COL7A1: variants seen among roughly 807,000 people sequenced by gnomAD.
COL7A1 encodes collagen type VII alpha 1 chain.
A neutral mutation model predicts 456.2 loss-of-function variants in COL7A1; 296 were observed. That is an observed-to-expected ratio of 0.65 (90% CI 0.59 to 0.71). The LOEUF is 0.71. COL7A1 is among the 30% of genes least tolerant of loss of function. The probability of loss-of-function intolerance (pLI) is 0.00; values close to 1 mark genes in which losing one functional copy is unlikely to be tolerated. For missense variants in COL7A1, 3,441 were observed against 4,017.2 expected (o/e 0.86, Z 3.88); for synonymous variants, 1,464 against 1,525.9 (o/e 0.96, Z 0.95).
Position 48,565,371 on chromosome 3 carries a change from C to A in COL7A1, c.8527+39G>T. On this transcript the variant is annotated intron_variant, in intron 116 of 118. Coordinates refer to ENST00000681320, the MANE Select transcript of COL7A1 (RefSeq NM_000094.4). This position sits in a 1 kb window ranked among gnomAD's most constrained non-coding sequence, Gnocchi z 4.5. ...ATGGACACCCATGTGCGTGTCTCGG[C>A]CCCACCCATAGCTGCCCCACGGGTT... 2 of 1,575,842 alleles carry A rather than the reference C, an allele frequency of 1.3e-6. No individual in the cohort carries two copies. The highest frequency in any genetic ancestry group is 2.3e-5 in the East Asian group (1 of 43,080).
In COL7A1 at chr3:48,579,884, G is replaced by T; in HGVS notation, c.5125-70C>A. 2 of 1,610,884 alleles carry T rather than the reference G, an allele frequency of 1.2e-6. No individual in the cohort carries two copies. The highest frequency in any genetic ancestry group is 3.3e-4 in the Middle Eastern group (2 of 6,058). ...AGAGGAGTTGGCGAGGGGATACAGGGTCTGTGAGGGGCTCCAGGGATCCGC... is the reference window on the plus strand; with the variant it reads ...AGAGGAGTTGGCGAGGGGATACAGGTTCTGTGAGGGGCTCCAGGGATCCGC... On this transcript the variant is annotated intron_variant, in intron 57 of 118. Transcript: ENST00000681320. The surrounding 1 kb of genome is among the most constrained non-coding windows in gnomAD (Gnocchi z 4.4).
chr3:48,575,688 C>T lies in COL7A1; in HGVS notation c.5917G>A (p.Val1973Met). The change falls in exon 73 of 119, where the codon GTG becomes ATG. Residue 1973 changes from valine (V) to methionine (M), a missense_variant. Physicochemically the swap from Val to Met is conservative, Grantham distance 21. Transcript: ENST00000681320. The surrounding 1 kb of genome is among the most constrained non-coding windows in gnomAD (Gnocchi z 6.3). ...WDESSGSFLP[V>M]PERRRGPKGD... is the part of the protein sequence containing the mutation. ...TTGGGGCCTCGACGCCGTTCGGGCACAGGCAGGAAGCTACCAGAGCTCTCA... is the reference window on the plus strand; with the variant it reads ...TTGGGGCCTCGACGCCGTTCGGGCATAGGCAGGAAGCTACCAGAGCTCTCA... 1.2e-6 allele frequency: 2 copies of T among 1,613,686 alleles called. No homozygotes were observed. The highest frequency in any genetic ancestry group is 2.2e-5 in the South Asian group (2 of 91,084).
chr3:48,590,415 C>G lies in COL7A1; in HGVS notation c.1906+44G>C, dbSNP rs771669788. 6.2e-7 allele frequency: 1 copy of G among 1,614,098 alleles called. No homozygotes were observed. The highest frequency in any genetic ancestry group is 2.2e-5 in the East Asian group (1 of 44,882). ...GCCTGTCCCCTCTGGCACCCATACC[C>G]TCATTGGTCCCTTTGGCAGTCCCCC... On this transcript the variant is annotated intron_variant, in intron 15 of 118. Coordinates refer to ENST00000681320, the MANE Select transcript of COL7A1 (RefSeq NM_000094.4). This position sits in a 1 kb window ranked among gnomAD's most constrained non-coding sequence, Gnocchi z 4.6.
chr3:48,578,874 A>C lies in COL7A1; in HGVS notation c.5424+45T>G. 3.1e-6 allele frequency: 5 copies of C among 1,591,606 alleles called. No homozygotes were observed. The South Asian group carries it at 5.6e-5, about 18-fold the overall frequency. ...GACTATGATGATCTGGTTGGAGCTT[A>C]CGCAGCCCCGAGCCCCCTCTGTCCC... On this transcript the variant is annotated intron_variant, in intron 63 of 118. Transcript: ENST00000681320. This position sits in a 1 kb window ranked among gnomAD's most constrained non-coding sequence, Gnocchi z 4.7.
rs1575478194 is a variant in COL7A1, at chr3:48,588,020, T to C, written c.2711-81A>G. 1.1e-5 allele frequency: 17 copies of C among 1,485,678 alleles called. No homozygotes were observed. Among genetic ancestry groups the C allele is most frequent in the Non-Finnish European group, 1.5e-5 (16 of 1,097,068 alleles). The allele number at this position is 1,485,678 out of a possible 1,614,324, so 92.0% of individuals were successfully genotyped here. On this transcript the variant is annotated intron_variant, in intron 21 of 118. Coordinates refer to ENST00000681320, the MANE Select transcript of COL7A1 (RefSeq NM_000094.4). This position sits in a 1 kb window ranked among gnomAD's most constrained non-coding sequence, Gnocchi z 4.6. Reference sequence around the variant, plus strand: ...GCATTAAAGGGCCTGCCCACTTCACTGGCTCTGTTAACTGGGTTCACCCTC... The same window carrying C: ...GCATTAAAGGGCCTGCCCACTTCACCGGCTCTGTTAACTGGGTTCACCCTC...
chr3:48,589,263 G>C, intron 18 of COL7A1, 64 bp downstream of exon 18: 1 of 1,607,126 alleles, frequency 6.2e-7, no homozygotes, highest in Non-Finnish European at 8.5e-7. Flanking sequence ...TGGGCAATCA[G>C]GAACACACAG....
Position 48,580,007 on chromosome 3 carries a change from G to GTC in COL7A1, c.5124+23_5124+24insGA. 6.2e-7 allele frequency: 1 copy of GTC among 1,614,012 alleles called. No homozygotes were observed. Among genetic ancestry groups the GTC allele is most frequent in the East Asian group, 2.2e-5 (1 of 44,872 alleles). Reference sequence around the variant, plus strand: ...GGGGCAAGTGAGAACAATGACAGAGGACCAGACCCAGCGCAGCCCTTACCA... The same window carrying GTC: ...GGGGCAAGTGAGAACAATGACAGAGGTCACCAGACCCAGCGCAGCCCTTACCA... On this transcript the variant is annotated intron_variant, in intron 57 of 118. Transcript: ENST00000681320. The surrounding 1 kb of genome is among the most constrained non-coding windows in gnomAD (Gnocchi z 4.5).
chr3:48,591,897 C>G lies in COL7A1; in HGVS notation c.1357+1G>C. On this transcript the variant is annotated splice_donor_variant, in intron 11 of 118. Coordinates refer to ENST00000681320, the MANE Select transcript of COL7A1 (RefSeq NM_000094.4). LOFTEE classifies it high-confidence loss of function. This position sits in a 1 kb window ranked among gnomAD's most constrained non-coding sequence, Gnocchi z 7.0. The stretch of plus-strand genomic sequence containing the variant: ...CTGTCCATCCCTTCCCCCGCACTGA[C>G]CAGTCTCACGCCGCCATTCCAACCG... 2 of 1,614,186 alleles carry G rather than the reference C, an allele frequency of 1.2e-6. No individual in the cohort carries two copies. The highest frequency in any genetic ancestry group is 1.7e-6 in the Non-Finnish European group (2 of 1,180,030).
chr3:48,588,878 C>A lies in COL7A1; in HGVS notation c.2432G>T (p.Arg811Leu), dbSNP rs1559427559. 1 of 1,613,526 alleles carries A rather than the reference C, an allele frequency of 6.2e-7. No homozygotes were observed. The highest frequency in any genetic ancestry group is 8.5e-7 in the Non-Finnish European group (1 of 1,180,050). Residue 811 changes from arginine to leucine, a missense_variant, in exon 19 of 119, where the codon CGG (arginine) becomes CTG (leucine). Around this residue, in one of 3 missense-constraint regions of COL7A1, gnomAD observed 444 missense variants for 427.6 expected, o/e 1.04. Coordinates refer to ENST00000681320, the MANE Select transcript of COL7A1 (RefSeq NM_000094.4). The surrounding 1 kb of genome is among the most constrained non-coding windows in gnomAD (Gnocchi z 4.6). ...GCGTCAGGGAGCCATACCTTCACTC[C>A]GGCCCCAGGCCAGTCTGTAAGCTGT... is the stretch of plus-strand genomic sequence containing the variant. ...GATAYRLAWG[R>L]SEGGPMRHQI...
In COL7A1 at chr3:48,589,607, G is replaced by A; in HGVS notation, c.2162C>T (p.Ser721Leu). 3 of 1,613,340 alleles carry A rather than the reference G, an allele frequency of 1.9e-6. No individual in the cohort carries two copies. Among genetic ancestry groups the A allele is most frequent in the South Asian group, 1.1e-5 (1 of 91,060 alleles). The stretch of plus-strand genomic sequence containing the variant: ...CAAACCCCAGTCCCCACCGTGGGCT[G>A]AGTGCCAGGAAACCCTGTATCCTGT... Reference protein sequence around the residue: ...GATGYRVSWHSAHGPEKSQLV... With the variant: ...GATGYRVSWHLAHGPEKSQLV... Residue 721 changes from serine to leucine, a missense_variant, in exon 17 of 119, where the codon TCA (serine) becomes TTA (leucine). Coordinates refer to ENST00000681320, the MANE Select transcript of COL7A1 (RefSeq NM_000094.4).
At position 48,591,998 on chromosome 3, in the gene COL7A1, C is replaced by A. The variant is rs768981667; in HGVS notation, c.1257G>T (p.Gln419His). The change falls in exon 11 of 119, where the codon CAG becomes CAT. Residue 419 changes from glutamine to histidine, a missense_variant. Physicochemically the swap from Gln to His is conservative, Grantham distance 24. Coordinates refer to ENST00000681320, the MANE Select transcript of COL7A1 (RefSeq NM_000094.4). The surrounding 1 kb of genome is among the most constrained non-coding windows in gnomAD (Gnocchi z 7.0). ...GGCCCAGGATGACCGGGCGCAGGGT[C>A]TGCTCAACAGAAGCGTCTGCCCAGG... is the stretch of plus-strand genomic sequence containing the variant. ...LMARTDASVE[Q>H]TLRPVILGPT... The A allele has an allele frequency of 2.5e-6, 4 of 1,614,212 alleles. No homozygotes were observed. In the Admixed American group the frequency reaches 6.7e-5, roughly 27 times the overall value.
Position 48,583,349 on chromosome 3 carries a change from C to A in COL7A1, c.4437+44G>T. The A allele has an allele frequency of 6.2e-7, 1 of 1,612,994 alleles. No individual in the cohort carries two copies. The highest frequency in any genetic ancestry group is 8.5e-7 in the Non-Finnish European group (1 of 1,179,016). On this transcript the variant is annotated intron_variant, in intron 42 of 118. Coordinates refer to ENST00000681320, the MANE Select transcript of COL7A1 (RefSeq NM_000094.4). This position sits in a 1 kb window ranked among gnomAD's most constrained non-coding sequence, Gnocchi z 5.1. ...GCCTCCCCTAACACCATGGGGAGCC[C>A]AGAGTAGCACCCCTCACACCTGAAT...
chr3:48,576,428 C>A lies in COL7A1; in HGVS notation c.5744G>T (p.Arg1915Leu). 3.1e-6 allele frequency: 5 copies of A among 1,613,768 alleles called. No individual in the cohort carries two copies. The highest frequency in any genetic ancestry group is 4.2e-6 in the Non-Finnish European group (5 of 1,179,992). ...CTCCCCTTTGGATCCAGTCTCCCCA[C>A]GGTCACCCTGAAAACAAGAATGACC... The part of the protein sequence containing the change: ...VPGGTGPKGD[R>L]GETGSKGEQG... The change falls in exon 70 of 119, where the codon CGT becomes CTT. Residue 1915 changes from arginine (R) to leucine (L), a missense_variant. Transcript: ENST00000681320.
rs146289794 is a variant in COL7A1 at position 48,572,476 on chromosome 3, C to A, written c.6936+27G>T. 1.7e-3 allele frequency: 2,758 copies of A among 1,613,974 alleles called. 35 individuals are homozygous for A. The African/African-American group carries it at 0.027, about 16-fold the overall frequency. ...CTTGGCCCCCACCAGTTGACCCCCC[C>A]TCACTGGCAGCCCCACACACACTCA... is the stretch of plus-strand genomic sequence containing the variant. On this transcript the variant is annotated intron_variant, in intron 89 of 118. Transcript: ENST00000681320. The surrounding 1 kb of genome is among the most constrained non-coding windows in gnomAD (Gnocchi z 4.6).
chr3:48,576,920 C>T lies in COL7A1; in HGVS notation c.5569-1G>A. ...AGGCGCCTGAATCTCCTTTCTCTCC[C>T]TAAGGAAGACAAGGATGCTTCAGGC... is the stretch of plus-strand genomic sequence containing the variant. On this transcript the variant is annotated splice_acceptor_variant, in intron 66 of 118. Transcript: ENST00000681320. LOFTEE classifies it high-confidence loss of function. 1 of 1,614,012 alleles carries T rather than the reference C, an allele frequency of 6.2e-7. No individual in the cohort carries two copies.
Position 48,571,014 on chromosome 3 carries a change from C to G in COL7A1, c.7165-46G>C. The G allele has an allele frequency of 6.2e-7, 1 of 1,611,250 alleles. No individual in the cohort carries two copies. The highest frequency in any genetic ancestry group is 8.5e-7 in the Non-Finnish European group (1 of 1,177,798). On this transcript the variant is annotated intron_variant, in intron 94 of 118. Transcript: ENST00000681320. The surrounding 1 kb of genome is among the most constrained non-coding windows in gnomAD (Gnocchi z 4.6). ...GGAGGGAATGGTCAATGCAGGACCC[C>G]TCCCAGGACTCTCATCAGAACTCCC... is the stretch of plus-strand genomic sequence containing the variant.
chr3:48,564,393 C>G lies in COL7A1; in HGVS notation c.*13G>C, dbSNP rs1172155057. The G allele has an allele frequency of 6.2e-7, 1 of 1,614,082 alleles. No homozygotes were observed. Among genetic ancestry groups the G allele is most frequent in the Admixed American group, 1.7e-5 (1 of 60,026 alleles). On this transcript the variant is annotated 3_prime_UTR_variant, in exon 119 of 119. Coordinates refer to ENST00000681320, the MANE Select transcript of COL7A1 (RefSeq NM_000094.4). This position sits in a 1 kb window ranked among gnomAD's most constrained non-coding sequence, Gnocchi z 6.0. Reference sequence around the variant, plus strand: ...CTCCAGGGGATGCTGAATCTCAGCTCATTATCTGGGCCTCAGTCCTGGGCA... The same window carrying G: ...CTCCAGGGGATGCTGAATCTCAGCTGATTATCTGGGCCTCAGTCCTGGGCA...
rs905242059 is a variant in COL7A1 at position 48,571,837 on chromosome 3, C to T, written c.7068+164G>A. ...CCCCCAGAGCTCAGAGTGTGGAAGC[C>T]GACAGTGTGTGGCTCCCTGTGATCC... On this transcript the variant is annotated intron_variant, in intron 92 of 118. Transcript: ENST00000681320. This position sits in a 1 kb window ranked among gnomAD's most constrained non-coding sequence, Gnocchi z 4.6. 6 of 855,988 alleles carry T rather than the reference C, an allele frequency of 7.0e-6. No individual in the cohort carries two copies. Among genetic ancestry groups the T allele is most frequent in the East Asian group, 2.7e-5 (1 of 37,574 alleles). 53.0% of individuals were successfully genotyped at this position (855,988 alleles called of 1,614,324 possible).
At position 48,590,946 on chromosome 3, in the gene COL7A1, A is replaced by C; in HGVS notation, c.1637-130T>G. On this transcript the variant is annotated intron_variant, in intron 13 of 118. Transcript: ENST00000681320. This position sits in a 1 kb window ranked among gnomAD's most constrained non-coding sequence, Gnocchi z 4.6. ...GGGGATGTGGGGTGGTGGGGACCAGAGAGCTGGGATATGGCTGAAAAAAGT... is the reference window on the plus strand; with the variant it reads ...GGGGATGTGGGGTGGTGGGGACCAGCGAGCTGGGATATGGCTGAAAAAAGT... 1 of 1,003,812 alleles carries C rather than the reference A, an allele frequency of 1.0e-6. No individual in the cohort carries two copies. Among genetic ancestry groups the C allele is most frequent in the Non-Finnish European group, 1.5e-6 (1 of 660,044 alleles). 62.2% of individuals were successfully genotyped at this position (1,003,812 alleles called of 1,614,324 possible).
Sources: gnomAD v4.1 joint callset for allele counts on GRCh38, gnomAD v4.1.1 for gene constraint, gnomAD v4.1.1 regional missense constraint, Gnocchi (gnomAD v3.1) non-coding constraint, MANE v1.5 for transcripts, NCBI Gene and HGNC (gene_info 2026-07-23, HGNC 2026-07-21) for gene names.